TTC6: variants seen among roughly 807,000 people sequenced by gnomAD.
The protein encoded by TTC6 is tetratricopeptide repeat protein 6.
TTC6 carries 172 observed loss-of-function variants against 210.4 expected under a neutral mutation model. The ratio of observed to expected loss-of-function variants is 0.82; its 90% confidence interval spans 0.72 to 0.93. The LOEUF is 0.93. TTC6 is among the 40% of genes least tolerant of loss of function. TTC6 has a pLI of 0.00. For synonymous variants in TTC6, 804 were observed against 819.6 expected (o/e 0.98, Z 0.32); for missense variants, 2,414 against 2,318.1 (o/e 1.04, Z -0.85).
intron 26 of TTC6, among the ~76,000 whole-genome samples, chr14:37,818,170 C>T (rs987930529): frequency 3.3e-5 from 5 of 151,740 alleles, no homozygotes; most frequent in Non-Finnish European, 5.9e-5. Flanking sequence ...AAACACAATA[C>T]GTAAAGCAAA....
At position 37,807,461 on chromosome 14, in the gene TTC6, G is replaced by A. The variant is rs1452417188; in HGVS notation, c.4455+1G>A. ...AGGAGTTCTGAAATACTACAACAAG[G>A]TAGGGCCATTTCCTGCCTGGTTTAC... On this transcript the variant is annotated splice_donor_variant, in intron 23 of 30. Transcript: ENST00000553443. LOFTEE classifies it high-confidence loss of function. The A allele has an allele frequency of 6.7e-7, 1 of 1,482,872 alleles. No individual in the cohort carries two copies. Among genetic ancestry groups the A allele is most frequent in the South Asian group, 1.3e-5 (1 of 75,968 alleles). 91.9% of individuals were successfully genotyped at this position (1,482,872 alleles called of 1,614,324 possible). A position where few individuals can be genotyped will look rare whatever the true frequency, so the allele number is the denominator to read the frequency against.
chr14:37,658,418 G>C (rs552642962), intron 1 of TTC6, among the ~76,000 whole-genome samples: 4 of 152,268 alleles, frequency 2.6e-5, no homozygotes, highest in Non-Finnish European at 4.4e-5. Context: ...ATTGTTACTT[G>C]AAAGTGTGTG....
chr14:37,700,898 T>C (rs1414738972), intron 4 of TTC6, among the ~76,000 whole-genome samples: 1 of 151,988 alleles, frequency 6.6e-6, no homozygotes, highest in Non-Finnish European at 1.5e-5. Context: ...TGCTAGTTAA[T>C]GGATAATGCC....
Position 37,692,854 on chromosome 14 carries a change from A to G in TTC6, c.1258-3863A>G, listed in dbSNP as rs565494508. ...AGCCTCAGCAACAGAGCAAGACTCC[A>G]TCTCAAAAATAAATAAATAAATAAA... is the stretch of plus-strand genomic sequence containing the variant. On this transcript the variant is annotated intron_variant, in intron 3 of 30. Transcript: ENST00000553443. 1.4e-3 allele frequency among the ~76,000 whole-genome samples: 192 copies of G among 132,882 alleles called. 1 individual carries two copies. The highest frequency in any genetic ancestry group is 4.7e-3 in the African/African-American group (156 of 33,132). The allele number at this position is 132,882 out of a possible 152,430, so 87.2% of individuals were successfully genotyped here. A position where few individuals can be genotyped will look rare whatever the true frequency, so the allele number is the denominator to read the frequency against.
Position 37,701,585 on chromosome 14 carries a change from G to A in TTC6, c.1571+59G>A. ...AAATGTAAACTGTCATATAAATCCT[G>A]CCTTTTGAGTTCTAGATTTTAAAGA... On this transcript the variant is annotated intron_variant, in intron 5 of 30. Coordinates refer to ENST00000553443, the Ensembl canonical transcript of TTC6. The A allele has an allele frequency of 3.7e-6, 5 of 1,341,004 alleles. No homozygotes were observed. The South Asian group carries it at 5.1e-5, about 14-fold the overall frequency. 83.1% of individuals were successfully genotyped at this position (1,341,004 alleles called of 1,614,324 possible).
At chr14:37,760,029 A>G (rs960381194) in intron 14 of TTC6, among the ~76,000 whole-genome samples, 3 of 152,126 alleles carry the variant, frequency 2.0e-5, no homozygotes, top group African/African-American at 7.2e-5. Flanking sequence ...TTCTCTATCC[A>G]GTTTTGTGCC....
At chr14:37,674,484 T>C (rs1471573894) in intron 1 of TTC6, among the ~76,000 whole-genome samples, 1 of 152,160 alleles carries the variant, frequency 6.6e-6, no homozygotes, top group Non-Finnish European at 1.5e-5. Context: ...TTTGTTTGCA[T>C]GTATTATATC....
rs140033769 is a variant in TTC6 at position 37,785,914 on chromosome 14, A to T, written c.3267-1554A>T. 1.6e-3 allele frequency among the ~76,000 whole-genome samples: 249 copies of T among 152,278 alleles called. 1 individual carries two copies. Among genetic ancestry groups the T allele is most frequent in the Middle Eastern group, 3.4e-3 (1 of 294 alleles). On this transcript the variant is annotated intron_variant, in intron 14 of 30. Coordinates refer to ENST00000553443, the Ensembl canonical transcript of TTC6. The stretch of plus-strand genomic sequence containing the variant: ...CACTCCAGATGCTGTTTGCCTGGGT[A>T]TCACCAGTGGAGGCTGCAGAACCAC...
At chr14:37,650,890 C>T (rs906484302) in intron 1 of TTC6, among the ~76,000 whole-genome samples, 10 of 152,164 alleles carry the variant, frequency 6.6e-5, no homozygotes, top group South Asian at 4.1e-4. Flanking sequence ...CAAACTATAA[C>T]GCTGACCTTG....
chr14:37,704,852 A>G (rs1457277623), intron 5 of TTC6, among the ~76,000 whole-genome samples: 1 of 152,116 alleles, frequency 6.6e-6, no homozygotes, highest in Non-Finnish European at 1.5e-5. Flanking sequence ...AAAATTAAAT[A>G]TTTAATCCAT....
At chr14:37,826,484 A>G (rs1395901147) in intron 28 of TTC6, 137 bp downstream of exon 30, 5 of 812,588 alleles carry the variant, frequency 6.2e-6, no homozygotes, top group East Asian at 2.9e-5. Flanking sequence ...TTTTAACCCA[A>G]GTGATCCCTA....
chr14:37,647,062 C>A (rs1160810007), intron 1 of TTC6, among the ~76,000 whole-genome samples: 2 of 152,166 alleles, frequency 1.3e-5, no homozygotes, highest in Non-Finnish European at 2.9e-5. Flanking sequence ...CTTTCTCATT[C>A]TAGCAACTAA....
chr14:37,638,260 T>C (rs1448886779), intron 1 of TTC6, among the ~76,000 whole-genome samples: 1 of 152,166 alleles, frequency 6.6e-6, no homozygotes, highest in Non-Finnish European at 1.5e-5. Flanking sequence ...TTCTTTTTTA[T>C]TTTTATTTTT....
chr14:37,712,962 A>C (rs149954491), intron 5 of TTC6, among the ~76,000 whole-genome samples: 1 of 152,306 alleles, frequency 6.6e-6, no homozygotes, highest in Non-Finnish European at 1.5e-5. Flanking sequence ...GAGATCTCCC[A>C]GGGATGATTC....
exon 13 of TTC6, chr14:37,751,206 C>A: frequency 6.6e-7 from 1 of 1,520,974 alleles, no homozygotes; most frequent in Non-Finnish European, 8.8e-7. Context: ...AAAGTACTGG[C>A]CATTGATGAC....
chr14:37,635,852 G>T (rs902806472), intron 1 of TTC6, among the ~76,000 whole-genome samples: 2 of 151,806 alleles, frequency 1.3e-5, no homozygotes, highest in Non-Finnish European at 2.9e-5. Flanking sequence ...GGTGGTGCAT[G>T]CCTGTAATCC....
intron 14 of TTC6, among the ~76,000 whole-genome samples, chr14:37,767,779 T>G (rs2096003955): frequency 6.6e-6 from 1 of 151,518 alleles, no homozygotes. Flanking sequence ...TAGTTTCTTT[T>G]GCTGTGCAGA....
intron 14 of TTC6, among the ~76,000 whole-genome samples, chr14:37,762,269 A>G (rs2095986828): frequency 1.3e-5 from 2 of 152,136 alleles, no homozygotes; most frequent in Non-Finnish European, 2.9e-5. Context: ...GCTATTGTAA[A>G]TAATGCTCTA....
chr14:37,661,220 G>T (rs879952700), intron 1 of TTC6, among the ~76,000 whole-genome samples: 1 of 152,042 alleles, frequency 6.6e-6, no homozygotes, highest in Non-Finnish European at 1.5e-5. Flanking sequence ...TTTTGCTTTT[G>T]TTGCAATTGC....
Sources: allele counts gnomAD v4.1 joint callset (sites outside exome capture counted in the v4.1 genomes callset), GRCh38; gene constraint gnomAD v4.1.1; transcripts MANE v1.5; gene names NCBI Gene and HGNC (gene_info 2026-07-23, HGNC 2026-07-21).